NEGR1: variants seen among roughly 807,000 people sequenced by gnomAD.
NEGR1 encodes IgLON family member 4.
A neutral mutation model predicts 40.9 loss-of-function variants in NEGR1; 10 were observed. The ratio of observed to expected loss-of-function variants is 0.24; its 90% confidence interval spans 0.15 to 0.42. The LOEUF (loss-of-function observed/expected upper bound fraction) is 0.42. NEGR1 is among the 10% of genes least tolerant of loss of function. The pLI is 1.00. For synonymous variants in NEGR1, 185 were observed against 166.8 expected (o/e 1.11, Z -0.84); for missense variants, 352 against 438.9 (o/e 0.80, Z 1.77).
intron 1 of NEGR1, among the ~76,000 whole-genome samples, chr1:72,261,903 A>G (rs1461982317): frequency 6.6e-6 from 1 of 152,056 alleles, no homozygotes; most frequent in Non-Finnish European, 1.5e-5. Context: ...AAAATTACCT[A>G]TTAGGTACAA....
intron 6 of NEGR1, among the ~76,000 whole-genome samples, chr1:71,554,486 G>C (rs1352402130): frequency 6.6e-6 from 1 of 151,376 alleles, no homozygotes; most frequent in Non-Finnish European, 1.5e-5. Context: ...GAGAATTTCT[G>C]TATTAAGGAA....
At chr1:71,937,530 T>C (rs954273815) in intron 1 of NEGR1, among the ~76,000 whole-genome samples, 1 of 152,178 alleles carries the variant, frequency 6.6e-6, no homozygotes, top group Non-Finnish European at 1.5e-5. Context: ...GCAAAGCTCT[T>C]GATCACTAGA....
chr1:71,695,110 C>T (rs1653433486), intron 4 of NEGR1, among the ~76,000 whole-genome samples: 1 of 151,686 alleles, frequency 6.6e-6, no homozygotes, highest in Admixed American at 6.6e-5. Flanking sequence ...CTTTAAAGGG[C>T]CAAGTTCACA....
intron 1 of NEGR1, among the ~76,000 whole-genome samples, chr1:71,990,917 TA>T (rs199549745): frequency 0.23 from 29,999 of 131,416 alleles, 3,270 homozygotes; most frequent in Middle Eastern, 0.34. Context: ...TATATATATA[TA>T]TTTTTTTTTT....
At chr1:71,880,308 T>C (rs948911994) in intron 2 of NEGR1, among the ~76,000 whole-genome samples, 1 of 152,082 alleles carries the variant, frequency 6.6e-6, no homozygotes, top group African/African-American at 2.4e-5. Flanking sequence ...AGAAGCATGG[T>C]GGCATCATAA....
At chr1:71,822,747 C>T (rs543712698) in intron 2 of NEGR1, among the ~76,000 whole-genome samples, 94 of 152,110 alleles carry the variant, frequency 6.2e-4, no homozygotes, top group African/African-American at 2.2e-3. Flanking sequence ...GCCAGTTCCA[C>T]TATTAAAGGC....
intron 1 of NEGR1, among the ~76,000 whole-genome samples, chr1:72,049,115 G>C (rs1409213955): frequency 6.6e-6 from 1 of 151,422 alleles, no homozygotes; most frequent in Non-Finnish European, 1.5e-5. Flanking sequence ...TTGAGGCCAG[G>C]AGTTCAAGAC....
At chr1:71,733,723 C>T (rs865882862) in intron 3 of NEGR1, among the ~76,000 whole-genome samples, 5 of 152,198 alleles carry the variant, frequency 3.3e-5, no homozygotes, top group Middle Eastern at 6.8e-3. Flanking sequence ...CATCAGAGCT[C>T]ATTTGTTAAA....
intron 1 of NEGR1, among the ~76,000 whole-genome samples, chr1:72,126,205 A>G (rs968340867): frequency 6.6e-6 from 1 of 151,158 alleles, no homozygotes; most frequent in Non-Finnish European, 1.5e-5. Flanking sequence ...CAGTGTTGGA[A>G]ATGGCAATTT....
chr1:71,440,664 C>G (rs953189367), intron 6 of NEGR1, among the ~76,000 whole-genome samples: 25 of 152,142 alleles, frequency 1.6e-4, no homozygotes, highest in Admixed American at 1.6e-3. Flanking sequence ...TTAGAAAGGC[C>G]TACCATCAGG....
At chr1:72,258,650 A>C (rs1192801125) in intron 1 of NEGR1, among the ~76,000 whole-genome samples, 1 of 152,212 alleles carries the variant, frequency 6.6e-6, no homozygotes, top group Non-Finnish European at 1.5e-5. Context: ...TGTAATGCAT[A>C]TATACAGAAT....
In NEGR1 at chr1:71,776,340, A is replaced by C. The variant is rs780904865; in HGVS notation, c.410-43T>G. 4 of 1,356,956 alleles carry C rather than the reference A, an allele frequency of 2.9e-6. No homozygotes were observed. In the South Asian group the frequency reaches 5.6e-5, roughly 19 times the overall value. The allele number at this position is 1,356,956 out of a possible 1,614,324, so 84.1% of individuals were successfully genotyped here. ...GCAGTGATTAGAAAAAAATATATAA[A>C]GTTTTGTTGAAGTACGTATGATTAA... On this transcript the variant is annotated intron_variant, in intron 2 of 6. Transcript: ENST00000357731.
intron 1 of NEGR1, among the ~76,000 whole-genome samples, chr1:72,098,551 T>C (rs1410966320): frequency 1.3e-5 from 2 of 152,168 alleles, no homozygotes; most frequent in Non-Finnish European, 2.9e-5. Flanking sequence ...AACTATTATG[T>C]CATAACTCTG....
At position 71,807,059 on chromosome 1, in the gene NEGR1, AT is replaced by A. The variant is rs572698913; in HGVS notation, c.410-30763del. On this transcript the variant is annotated intron_variant, in intron 2 of 6. Coordinates refer to ENST00000357731, the MANE Select transcript of NEGR1 (RefSeq NM_173808.3). ...AGGCGCCTGCCACAATGCCCGGCTA[AT>A]TTTTTTTTTGTATTTTTAGTAGAGA... 3.8e-3 allele frequency among the ~76,000 whole-genome samples: 568 copies of A among 148,440 alleles called. 4 individuals are homozygous for A. Among genetic ancestry groups the A allele is most frequent in the Middle Eastern group, 0.01 (3 of 290 alleles).
intron 6 of NEGR1, among the ~76,000 whole-genome samples, chr1:71,476,349 A>G (rs543561649): frequency 6.6e-6 from 1 of 152,256 alleles, no homozygotes; most frequent in South Asian, 2.1e-4. Context: ...AAAATAAGCA[A>G]TATATGACTA....
intron 5 of NEGR1, among the ~76,000 whole-genome samples, chr1:71,594,938 G>A (rs556042388): frequency 3.3e-5 from 5 of 152,182 alleles, no homozygotes; most frequent in East Asian, 1.9e-4. Flanking sequence ...TTTACCTGCC[G>A]AAGAGTTGAG....
At chr1:72,131,245 C>A (rs951053716) in intron 1 of NEGR1, among the ~76,000 whole-genome samples, 1 of 152,096 alleles carries the variant, frequency 6.6e-6, no homozygotes. Flanking sequence ...ACATATCCAA[C>A]AACTATGCAT....
At chr1:72,224,036 T>C (rs1654097001) in intron 1 of NEGR1, among the ~76,000 whole-genome samples, 1 of 152,158 alleles carries the variant, frequency 6.6e-6, no homozygotes, top group Non-Finnish European at 1.5e-5. Flanking sequence ...TTTAAATTCA[T>C]TATGCTGATA....
chr1:71,859,267 A>G (rs1043524738), intron 2 of NEGR1, among the ~76,000 whole-genome samples: 1 of 151,948 alleles, frequency 6.6e-6, no homozygotes, highest in Admixed American at 6.6e-5. Context: ...CTCCTGTCTC[A>G]GAGCCTGGGA....
Sources: gnomAD v4.1 joint callset for allele counts (sites outside exome capture counted in the v4.1 genomes callset) on GRCh38, gnomAD v4.1.1 for gene constraint, MANE v1.5 for transcripts, NCBI Gene and HGNC (gene_info 2026-07-23, HGNC 2026-07-21) for gene names.